Variants in OSBPL10 observed in about 807,000 individuals in gnomAD.
The protein encoded by OSBPL10 is oxysterol-binding protein-related protein 10.
OSBPL10 carries 49 observed loss-of-function variants against 81.7 expected under a neutral mutation model. That is an observed-to-expected ratio of 0.60 (90% CI 0.48 to 0.76). The LOEUF (loss-of-function observed/expected upper bound fraction) is 0.76. OSBPL10 is among the 30% of genes least tolerant of loss of function. The probability of loss-of-function intolerance (pLI) is 0.00; values close to 1 mark genes in which losing one functional copy is unlikely to be tolerated. For missense variants in OSBPL10, 923 were observed against 987.8 expected, an observed-to-expected ratio of 0.93 and a Z score of 0.88; for synonymous variants, 419 against 383.6, an observed-to-expected ratio of 1.09 and a Z score of -1.08.
At chr3:32,032,408 TA>T (rs1033223686) in intron 2 of OSBPL10, among the ~76,000 whole-genome samples, 1 of 152,028 alleles carries the variant, frequency 6.6e-6, no homozygotes, top group Non-Finnish European at 1.5e-5. Flanking sequence ...AGACTCTGTC[TA>T]AAAATAATTA....
intron 10 of OSBPL10, 113 bp from the exon 11 acceptor site, chr3:31,664,345 G>A (rs2125497217): frequency 9.2e-7 from 1 of 1,081,344 alleles, no homozygotes; most frequent in South Asian, 1.5e-5. Flanking sequence ...AGCCCCCTCT[G>A]GGGTAGCTCA....
chr3:31,952,929 C>CTTT (rs57873437), intron 1 of OSBPL10, among the ~76,000 whole-genome samples: 18 of 116,536 alleles, frequency 1.5e-4, no homozygotes, highest in African/African-American at 3.4e-4. Context: ...AATCTTCCTA[C>CTTT]TTTTTTTTTT....
At chr3:31,946,153 G>A (rs1466112766) in intron 1 of OSBPL10, among the ~76,000 whole-genome samples, 1 of 151,874 alleles carries the variant, frequency 6.6e-6, no homozygotes, top group African/African-American at 2.4e-5. Flanking sequence ...GCTAATTTTT[G>A]TATTTTTAGT....
chr3:31,751,099 A>G (rs6788704), intron 4 of OSBPL10, among the ~76,000 whole-genome samples: 14,555 of 152,160 alleles, frequency 0.096, 863 homozygotes, highest in African/African-American at 0.17. Context: ...TGAGGCCAGG[A>G]GTTTGAGACC....
chr3:31,791,414 T>A (rs1699005547), intron 4 of OSBPL10, among the ~76,000 whole-genome samples: 2 of 152,160 alleles, frequency 1.3e-5, no homozygotes, highest in Non-Finnish European at 2.9e-5. Flanking sequence ...AAAGAAAGAC[T>A]AGCATGAAAT....
chr3:31,972,357 C>T (rs1161994035), intron 1 of OSBPL10, among the ~76,000 whole-genome samples: 1 of 152,200 alleles, frequency 6.6e-6, no homozygotes, highest in East Asian at 1.9e-4. Context: ...CCACTGCACT[C>T]CAGCCTGGGT....
chr3:31,812,790 GAAAGAAAGAAAGAAAGAAAGAA>G (rs1559476406), intron 4 of OSBPL10, among the ~76,000 whole-genome samples: 1 of 46,266 alleles, frequency 2.2e-5, no homozygotes, highest in African/African-American at 1.0e-4. Flanking sequence ...AAGAAAGAAA[GAAAGAAAGAAAGAAAGAAAGAA>G]AGAAAGAGAA....
At chr3:31,738,150 G>A (rs1382682026) in intron 5 of OSBPL10, among the ~76,000 whole-genome samples, 1 of 151,950 alleles carries the variant, frequency 6.6e-6, no homozygotes, top group African/African-American at 2.4e-5. Context: ...AGAACTGTGG[G>A]GGCTGCTTAA....
At chr3:31,884,702 A>G (rs541653062) in intron 1 of OSBPL10, among the ~76,000 whole-genome samples, 2 of 152,348 alleles carry the variant, frequency 1.3e-5, no homozygotes. Context: ...CATTAAACCA[A>G]GTGAAATTGT....
At position 31,741,297 on chromosome 3, in the gene OSBPL10, G is replaced by A. The variant is rs549219312; in HGVS notation, c.940+6613C>T. 4.6e-5 allele frequency among the ~76,000 whole-genome samples: 7 copies of A among 152,308 alleles called. No homozygotes were observed. In the East Asian group the frequency reaches 7.7e-4, roughly 17 times the overall value. The stretch of plus-strand genomic sequence containing the variant: ...TTTTTATTTTTTGAGACGGAGTCTC[G>A]CTCTGTCACTAGGCTGGAGTGCAGT... On this transcript the variant is annotated intron_variant, in intron 5 of 11. Transcript: ENST00000396556.
At chr3:32,013,487 A>T (rs1295358066) in intron 2 of OSBPL10, among the ~76,000 whole-genome samples, 1 of 152,240 alleles carries the variant, frequency 6.6e-6, no homozygotes, top group African/African-American at 2.4e-5. Context: ...CCACAAGAGA[A>T]AGCAGGAAAG....
chr3:32,074,791 T>A (rs900327030), intron 1 of OSBPL10, among the ~76,000 whole-genome samples: 4 of 152,226 alleles, frequency 2.6e-5, no homozygotes, highest in Non-Finnish European at 5.9e-5. Context: ...TCTCTAGGAT[T>A]TGGGGTGCAG....
chr3:31,669,324 A>C (rs1415534754), intron 9 of OSBPL10, among the ~76,000 whole-genome samples: 1 of 152,198 alleles, frequency 6.6e-6, no homozygotes, highest in Non-Finnish European at 1.5e-5. Flanking sequence ...AATAGCATAT[A>C]CTCTGTCTTC....
chr3:32,005,967 CAG>C (rs1413047316), intron 2 of OSBPL10, among the ~76,000 whole-genome samples: 1 of 151,184 alleles, frequency 6.6e-6, no homozygotes. Flanking sequence ...TTTTTTGAGA[CAG>C]AGTCTTGCTC....
chr3:31,683,709 G>C lies in OSBPL10; in HGVS notation c.1651C>G (p.Leu551Val). 1 of 1,614,208 alleles carries C rather than the reference G, an allele frequency of 6.2e-7. No individual in the cohort carries two copies. Among genetic ancestry groups the C allele is most frequent in the Non-Finnish European group, 8.5e-7 (1 of 1,180,048 alleles). Reference protein sequence around the residue: ...CFYCECEEKRLCVNTHVWTKS... With the variant: ...CFYCECEEKRVCVNTHVWTKS... ...GTCCATACATGAGTGTTGACGCACAGTCTCTTCTCCTCGCACTCACAGTAG... is the reference window on the plus strand; with the variant it reads ...GTCCATACATGAGTGTTGACGCACACTCTCTTCTCCTCGCACTCACAGTAG... Residue 551 changes from leucine (L) to valine (V), a missense_variant, in exon 8 of 12, where the codon CTG becomes GTG. Coordinates refer to ENST00000396556, the MANE Select transcript of OSBPL10 (RefSeq NM_017784.5).
At chr3:31,808,507 C>T (rs1699577261) in intron 4 of OSBPL10, among the ~76,000 whole-genome samples, 1 of 152,086 alleles carries the variant, frequency 6.6e-6, no homozygotes, top group Non-Finnish European at 1.5e-5. Flanking sequence ...AAGCAAATAC[C>T]AACCAGTGGA....
Position 31,668,733 on chromosome 3 carries a change from T to A in OSBPL10, c.2005A>T (p.Asn669Tyr). The A allele has an allele frequency of 1.2e-6, 2 of 1,614,148 alleles. No homozygotes were observed. Among genetic ancestry groups the A allele is most frequent in the South Asian group, 2.2e-5 (2 of 91,082 alleles). ...GTGTCGATGACTTTGGTTTCTCCAT[T>A]GTTGTAGGTGAACTCTAAAGTACCA... ...WNGTLEFTYN[N>Y]GETKVIDTTT... is the part of the protein sequence containing the mutation. The change falls in exon 10 of 12, where the codon AAT (asparagine) becomes TAT (tyrosine). Residue 669 changes from asparagine to tyrosine, a missense_variant. Physicochemically the swap from Asn to Tyr is moderately radical, Grantham distance 143. Coordinates refer to ENST00000396556, the MANE Select transcript of OSBPL10 (RefSeq NM_017784.5).
chr3:31,973,530 C>A (rs1698618606), intron 1 of OSBPL10, among the ~76,000 whole-genome samples: 2 of 152,160 alleles, frequency 1.3e-5, no homozygotes, highest in African/African-American at 4.8e-5. Context: ...GAGACCAAGG[C>A]CCAAAGAGTT....
chr3:31,785,153 G>C (rs1011471597), intron 4 of OSBPL10, among the ~76,000 whole-genome samples: 2 of 152,162 alleles, frequency 1.3e-5, no homozygotes, highest in Non-Finnish European at 2.9e-5. Context: ...CCAAAGTGCC[G>C]GGATTACAGG....
Sources: gnomAD v4.1 joint callset for allele counts (sites outside exome capture counted in the v4.1 genomes callset) on GRCh38, gnomAD v4.1.1 for gene constraint, MANE v1.5 for transcripts, NCBI Gene and HGNC (gene_info 2026-07-23, HGNC 2026-07-21) for gene names.